Variants in MXRA5 observed in about 807,000 individuals in gnomAD.
MXRA5 encodes matrix remodeling associated 5.
In MXRA5, 41 loss-of-function variants were observed where a neutral mutation model predicts 112.5. The observed-to-expected ratio is 0.36, with a 90% CI of 0.28 to 0.47. The LOEUF (loss-of-function observed/expected upper bound fraction) is 0.47, where lower values mean the gene tolerates loss of function less well. MXRA5 is among the 20% of genes least tolerant of loss of function. MXRA5 has a pLI of 0.99. For missense variants in MXRA5, 2,150 were observed against 2,251.0 expected (o/e 0.96, Z 0.91); for synonymous variants, 862 against 900.8 (o/e 0.96, Z 0.77).
Position 3,324,696 on chromosome X carries a change from A to T in MXRA5, c.989T>A (p.Val330Glu). ...TTTCTTGATGTCACAGACCAAGTTCACCATGTTCCCGTGCTCGTCGGTCAT... is the reference window on the plus strand; with the variant it reads ...TTTCTTGATGTCACAGACCAAGTTCTCCATGTTCCCGTGCTCGTCGGTCAT... Reference protein sequence around the residue: ...LNMTDEHGNMVNLVCDIKKPM... With the variant: ...LNMTDEHGNMENLVCDIKKPM... Residue 330 changes from valine to glutamate, a missense_variant, in exon 5 of 7, where the codon GTG becomes GAG. By Grantham distance (121) the Val-to-Glu change is moderately radical. Coordinates refer to ENST00000217939, the MANE Select transcript of MXRA5 (RefSeq NM_015419.4). 1 of 1,210,349 alleles carries T rather than the reference A, an allele frequency of 8.3e-7. No individual in the cohort carries two copies. Among genetic ancestry groups the T allele is most frequent in the South Asian group, 1.8e-5 (1 of 56,873 alleles).
intron 1 of MXRA5, among the ~76,000 whole-genome samples, chrX:3,344,168 G>C (rs1603468341): frequency 9.1e-6 from 1 of 110,335 alleles, no homozygotes; most frequent in East Asian, 2.8e-4. Context: ...GAGAGAGAGA[G>C]AGAGAGAGAG....
chrX:3,335,412 G>T (rs764890040), intron 2 of MXRA5, among the ~76,000 whole-genome samples: 1 of 111,986 alleles, frequency 8.9e-6, no homozygotes, highest in Non-Finnish European at 1.9e-5. Flanking sequence ...GGCCAGGCTG[G>T]TCTCAAACTC....
intron 4 of MXRA5, among the ~76,000 whole-genome samples, chrX:3,328,801 GGAGGAATGGAGGAAGGAAGA>G (rs748601068): frequency 9.7e-6 from 1 of 103,442 alleles, no homozygotes; most frequent in South Asian, 4.8e-4. Flanking sequence ...AGTGAAGGGG[GGAGGAATGGAGGAAGGAAGA>G]GAGGGATGAA....
chrX:3,326,025 T>TA (rs1569184838), intron 4 of MXRA5, among the ~76,000 whole-genome samples: 1 of 72,331 alleles, frequency 1.4e-5, no homozygotes, highest in Non-Finnish European at 2.3e-5. Context: ...TATATGTATT[T>TA]TATATATAAA....
chrX:3,315,399 A>AGAAG (rs1203012755), intron 6 of MXRA5, among the ~76,000 whole-genome samples: 25 of 50,315 alleles, frequency 5.0e-4, no homozygotes, highest in Non-Finnish European at 6.4e-4. Flanking sequence ...GATGATAGAT[A>AGAAG]GATAGATAGA....
Position 3,317,988 on chromosome X carries a change from G to C in MXRA5, c.5693C>G (p.Pro1898Arg), listed in dbSNP as rs139703919. The C allele has an allele frequency of 4.7e-5, 56 of 1,191,025 alleles. No individual in the cohort carries two copies. Among genetic ancestry groups the C allele is most frequent in the Non-Finnish European group, 6.0e-5 (53 of 884,981 alleles). The stretch of plus-strand genomic sequence containing the variant: ...CTCAAACCGTTGTATCCTGGTATTC[G>C]GAGTCATAAGAGCTCCTGGAGAAAA... ...TKVSTGALMT[P>R]NTRIQRFEVL... The change falls in exon 6 of 7, where the codon CCG becomes CGG. Residue 1898 changes from proline to arginine, a missense_variant. Physicochemically the swap from Pro to Arg is moderately radical, Grantham distance 103. Transcript: ENST00000217939.
Position 3,317,741 on chromosome X carries a change from G to T in MXRA5, c.5940C>A (p.Pro1980=). The T allele has an allele frequency of 8.3e-7, 1 of 1,207,558 alleles. No individual in the cohort carries two copies. Among genetic ancestry groups the T allele is most frequent in the Non-Finnish European group, 1.1e-6 (1 of 892,857 alleles). ...TGTCAGGGAAGATCCAGGAAATTTG[G>T]GGGGCTGGGGTCCCTTTGGCCAGAC... ...MECLAKGTPA[P]QISWIFPDRR... The change falls in exon 6 of 7, where the codon CCC becomes CCA. Residue 1980 remains proline (P), a synonymous_variant. Transcript: ENST00000217939.
Position 3,323,177 on chromosome X carries a change from G to A in MXRA5, c.2508C>T (p.Thr836=), listed in dbSNP as rs1921359526. 1 of 1,211,469 alleles carries A rather than the reference G, an allele frequency of 8.3e-7. No homozygotes were observed. Among genetic ancestry groups the A allele is most frequent in the East Asian group, 3.0e-5 (1 of 33,822 alleles). Residue 836 remains threonine, a synonymous_variant, in exon 5 of 7, where the codon ACC becomes ACT. Coordinates refer to ENST00000217939, the MANE Select transcript of MXRA5 (RefSeq NM_015419.4). ...PPSASPVQTV[T]SAEESSADVP... ...CATCTGCTGAGGATTCTTCAGCACTGGTTACTGTCTGCACAGGAGATGCTG... is the reference window on the plus strand; with the variant it reads ...CATCTGCTGAGGATTCTTCAGCACTAGTTACTGTCTGCACAGGAGATGCTG...
At position 3,317,583 on chromosome X, in the gene MXRA5, G is replaced by C. The variant is rs750473275; in HGVS notation, c.6098C>G (p.Ala2033Gly). 3 of 1,209,358 alleles carry C rather than the reference G, an allele frequency of 2.5e-6. No homozygotes were observed. The highest frequency in any genetic ancestry group is 1.1e-6 in the Non-Finnish European group (1 of 894,987). The change falls in exon 6 of 7, where the codon GCG (alanine) becomes GGG (glycine). Residue 2033 changes from alanine to glycine, a missense_variant. Ala to Gly is a moderately conservative substitution (Grantham distance 60). Around this residue, in one of 6 missense-constraint regions of MXRA5, gnomAD observed 1,485 missense variants for 1,471.6 expected, o/e 1.01. Transcript: ENST00000217939. ...YKCVASNAAG[A>G]DSLAIRLHVA... ...GTGCAGGCGGATGGCCAGGCTGTCC[G>C]CCCCGGCTGCATTGCTGGCCACGCA... is the stretch of plus-strand genomic sequence containing the variant.
rs1168846259 is a variant in MXRA5 at position 3,320,859 on chromosome X, G to C, written c.4826C>G (p.Pro1609Arg). ...TGCTGTTGGTAGGATGGGTTTGGCA[G>C]GGACTCTGGTTAGTTGATGAGAAGC... ...VHASHQLTRV[P>R]AKPILPTATV... The change falls in exon 5 of 7, where the codon CCT becomes CGT. Residue 1609 changes from proline to arginine, a missense_variant. Physicochemically the swap from Pro to Arg is moderately radical, Grantham distance 103. Coordinates refer to ENST00000217939, the MANE Select transcript of MXRA5 (RefSeq NM_015419.4). 1 of 1,210,223 alleles carries C rather than the reference G, an allele frequency of 8.3e-7. No individual in the cohort carries two copies. The highest frequency in any genetic ancestry group is 1.1e-6 in the Non-Finnish European group (1 of 895,359).
At position 3,343,733 on chromosome X, in the gene MXRA5, T is replaced by C. The variant is rs1448005843; in HGVS notation, c.101A>G (p.Tyr34Cys). The change falls in exon 2 of 7, where the codon TAC (tyrosine) becomes TGC (cysteine). Residue 34 changes from tyrosine (Y) to cysteine (C), a missense_variant. Tyr to Cys is a radical substitution (Grantham distance 194). Around this residue, in one of 6 missense-constraint regions of MXRA5, gnomAD observed 386 missense variants for 411.0 expected, o/e 0.94. Transcript: ENST00000217939. ...CGTGCAGTGGACCTCGCTGGGGACG[T>C]AGCAGGCACAAGGATGCGGGCAGGC... is the stretch of plus-strand genomic sequence containing the variant. ...ALACPHPCAC[Y>C]VPSEVHCTFR... The C allele has an allele frequency of 8.3e-7, 1 of 1,211,435 alleles. No homozygotes were observed.
rs1920965835 is a variant in MXRA5 at position 3,309,534 on chromosome X, T to C, written c.*182A>G. ...TCTCAGCAAGGCTGAGCCCTCCTTCTCGTGTCTGCATTGCTTCCTTTTCCC... is the reference window on the plus strand; with the variant it reads ...TCTCAGCAAGGCTGAGCCCTCCTTCCCGTGTCTGCATTGCTTCCTTTTCCC... On this transcript the variant is annotated 3_prime_UTR_variant, in exon 7 of 7. Coordinates refer to ENST00000217939, the MANE Select transcript of MXRA5 (RefSeq NM_015419.4). The C allele has an allele frequency of 2.3e-6, 1 of 443,952 alleles. No individual in the cohort carries two copies. The highest frequency in any genetic ancestry group is 3.7e-5 in the East Asian group (1 of 26,840). The allele number at this position is 443,952 out of a possible 1,213,427, so 36.6% of individuals were successfully genotyped here.
intron 6 of MXRA5, 151 bp downstream of exon 6, chrX:3,316,952 A>T: frequency 1.5e-6 from 1 of 666,022 alleles, no homozygotes; most frequent in Non-Finnish European, 2.1e-6. Context: ...CTGGGATTAC[A>T]GGCGTGAGCC....
chrX:3,314,564 AATGGATGGATAGGTTAGGTAGATAGAC>A (rs1921043114), intron 6 of MXRA5, among the ~76,000 whole-genome samples: 1 of 112,194 alleles, frequency 8.9e-6, no homozygotes, highest in South Asian at 3.7e-4. Context: ...GATAAGAATG[AATGGATGGATAGGTTAGGTAGATAGAC>A]ATGGATGGAT....
chrX:3,317,418 T>C lies in MXRA5; in HGVS notation c.6263A>G (p.Gln2088Arg). 7 of 1,202,898 alleles carry C rather than the reference T, an allele frequency of 5.8e-6. No individual in the cohort carries two copies. Among genetic ancestry groups the C allele is most frequent in the Non-Finnish European group, 7.9e-6 (7 of 891,528 alleles). ...SVRWVLGDGT[Q>R]IRPSQFLHGN... ...GTGGAGGAACTGCGAGGGGCGGATC[T>C]GGGTACCGTCCCCGAGCACCCAGCG... Residue 2088 changes from glutamine (Q) to arginine (R), a missense_variant, in exon 6 of 7, where the codon CAG becomes CGG. Gln to Arg is a conservative substitution (Grantham distance 43). This residue lies in a region of MXRA5 where 1,485 missense variants were observed against 1,471.6 expected (regional missense o/e 1.01). Coordinates refer to ENST00000217939, the MANE Select transcript of MXRA5 (RefSeq NM_015419.4).
At chrX:3,333,386 AAG>A (rs1921716074) in intron 2 of MXRA5, among the ~76,000 whole-genome samples, 2 of 109,315 alleles carry the variant, frequency 1.8e-5, no homozygotes, top group Middle Eastern at 4.7e-3. Context: ...AATAGGAAAA[AAG>A]AGGATAAACC....
rs376825584 is a variant in MXRA5, at chrX:3,324,355, G to A, written c.1330C>T (p.Arg444Cys). ...QPSIDIQLNR[R>C]QSTAKKVLLS... ...AGCACCTTCTTGGCCGTACTCTGAC[G>A]TCGGTTCAGCTGGATATCTATGGAT... The change falls in exon 5 of 7, where the codon CGT becomes TGT. Residue 444 changes from arginine to cysteine, a missense_variant. Coordinates refer to ENST00000217939, the MANE Select transcript of MXRA5 (RefSeq NM_015419.4). 33 of 1,209,402 alleles carry A rather than the reference G, an allele frequency of 2.7e-5. No individual in the cohort carries two copies. The highest frequency in any genetic ancestry group is 1.9e-4 in the African/African-American group (11 of 57,063).
Position 3,330,324 on chromosome X carries a change from C to T in MXRA5, c.403G>A (p.Asp135Asn). The T allele has an allele frequency of 1.7e-6, 2 of 1,210,613 alleles. No individual in the cohort carries two copies. Among genetic ancestry groups the T allele is most frequent in the Non-Finnish European group, 2.2e-6 (2 of 894,996 alleles). Residue 135 changes from aspartate to asparagine, a missense_variant, in exon 4 of 7, where the codon GAC becomes AAC. Coordinates refer to ENST00000217939, the MANE Select transcript of MXRA5 (RefSeq NM_015419.4). ...GLSNLMRLHI[D>N]HNKIEFIHPQ... The stretch of plus-strand genomic sequence containing the variant: ...TGGATAAACTCGATCTTGTTGTGGT[C>T]AATGTGCAGCCTCATTAAGTTAGAG...
In MXRA5 at chrX:3,317,351, G is replaced by T. The variant is rs1569181950; in HGVS notation, c.6330C>A (p.Arg2110=). 1 of 1,209,968 alleles carries T rather than the reference G, an allele frequency of 8.3e-7. No individual in the cohort carries two copies. The highest frequency in any genetic ancestry group is 3.0e-5 in the East Asian group (1 of 33,800). ...FVFPNGTLYI[R]NLAPKDSGRY... is the part of the protein sequence containing the mutation. ...GCCCGCTGTCCTTGGGCGCGAGGTT[G>T]CGGATGTAGAGCGTCCCGTTGGGGA... Residue 2110 remains arginine (R), a synonymous_variant, in exon 6 of 7, where the codon CGC becomes CGA. Transcript: ENST00000217939.
Sources: allele counts gnomAD v4.1 joint callset (sites outside exome capture counted in the v4.1 genomes callset), GRCh38; gene constraint gnomAD v4.1.1; regional missense constraint gnomAD v4.1.1; transcripts MANE v1.5; gene names NCBI Gene and HGNC (gene_info 2026-07-23, HGNC 2026-07-21).